SIRPB2: variants seen among roughly 807,000 people sequenced by gnomAD.
SIRPB2 encodes the protein signal regulatory protein beta 2.
Under a neutral mutation model 27.1 loss-of-function variants are expected in SIRPB2, and 18 were observed. The observed-to-expected ratio is 0.66, with a 90% CI of 0.46 to 0.98. The LOEUF is 0.98. Ranked by LOEUF, SIRPB2 falls within the 50% of genes least tolerant of loss-of-function variation. The probability of loss-of-function intolerance (pLI) is 0.00; values close to 1 mark genes in which losing one functional copy is unlikely to be tolerated. For missense variants in SIRPB2, 420 were observed against 417.4 expected, an observed-to-expected ratio of 1.01 and a Z score of -0.06; for synonymous variants, 150 against 164.6, an observed-to-expected ratio of 0.91 and a Z score of 0.68.
intron 1 of SIRPB2, 186 bp from the exon 2 acceptor site, chr20:1,480,251 C>A: frequency 1.4e-6 from 1 of 716,608 alleles, no homozygotes; most frequent in Non-Finnish European, 2.2e-6. Flanking sequence ...CTGAGCTATG[C>A]AATGGCAAAC....
At chr20:1,483,912 G>C (rs1001553538) in intron 1 of SIRPB2, among the ~76,000 whole-genome samples, 2 of 151,922 alleles carry the variant, frequency 1.3e-5, no homozygotes, top group Non-Finnish European at 2.9e-5. Context: ...ATCTTCCTTA[G>C]TATCGATATT....
Position 1,480,086 on chromosome 20 carries a change from C to T in SIRPB2, c.86-21G>A, listed in dbSNP as rs778734223. On this transcript the variant is annotated intron_variant, in intron 1 of 4. Coordinates refer to ENST00000359801, the MANE Select transcript of SIRPB2 (RefSeq NM_001122962.2). ...GGCATCTACAAAAGAGGAAGAAAGA[C>T]CTTGCACTGGGCAGGAAGGACTTGG... 32 of 1,583,928 alleles carry T rather than the reference C, an allele frequency of 2.0e-5. 1 individual carries two copies. In the South Asian group the frequency reaches 3.7e-4, roughly 18 times the overall value.
At chr20:1,476,428 G>A in intron 4 of SIRPB2, 92 bp from the exon 5 acceptor site, 2 of 1,285,132 alleles carry the variant, frequency 1.6e-6, no homozygotes, top group South Asian at 3.0e-5. Context: ...GTCACATCCT[G>A]CTGCTGTATA....
At chr20:1,479,386 C>T in intron 2 of SIRPB2, 1 of 370,816 alleles carries the variant, frequency 2.7e-6, no homozygotes, top group South Asian at 2.9e-5. Context: ...TTGCTTTAGC[C>T]AGTGGGCTGT....
chr20:1,472,080 C>G (rs1194717393), downstream of SIRPB2, among the ~76,000 whole-genome samples: 1 of 152,188 alleles, frequency 6.6e-6, no homozygotes, highest in East Asian at 1.9e-4. Flanking sequence ...ATCAAGGCAT[C>G]AGATCTGAAG....
In SIRPB2 at chr20:1,476,219, G is replaced by A; in HGVS notation, c.977C>T (p.Thr326Ile). 6.2e-7 allele frequency: 1 copy of A among 1,614,116 alleles called. No individual in the cohort carries two copies. The highest frequency in any genetic ancestry group is 8.5e-7 in the Non-Finnish European group (1 of 1,180,000). Residue 326 changes from threonine to isoleucine, a missense_variant, in exon 5 of 5, where the codon ACA (threonine) becomes ATA (isoleucine). By Grantham distance (89) the Thr-to-Ile change is moderately conservative. Transcript: ENST00000359801. ...RSPGQEDVKT[T>I]GPAGAMNTLA... is the part of the protein sequence containing the mutation. Reference sequence around the variant, plus strand: ...GGTGTTCATGGCTCCTGCTGGGCCTGTGGTCTTGACATCTTCTTGCCCAGG... The same window carrying A: ...GGTGTTCATGGCTCCTGCTGGGCCTATGGTCTTGACATCTTCTTGCCCAGG...
At chr20:1,487,773 C>T (rs1356983808) in intron 1 of SIRPB2, among the ~76,000 whole-genome samples, 3 of 152,306 alleles carry the variant, frequency 2.0e-5, no homozygotes, top group South Asian at 2.1e-4. Context: ...GCTAGGAGTA[C>T]AGGTGCATGC....
At chr20:1,473,862 A>G, downstream of SIRPB2, 1 of 456,270 alleles carries the variant, frequency 2.2e-6, no homozygotes, top group South Asian at 1.5e-5. Context: ...GTAACAGATC[A>G]CTGCAAACCT....
chr20:1,473,036 C>T (rs2122996969), downstream of SIRPB2: 1 of 152,574 alleles, frequency 6.6e-6, no homozygotes, highest in South Asian at 2.1e-4. Context: ...TGTCACTTCC[C>T]CTTTGCTCTG....
chr20:1,489,614 G>A (rs953960355), intron 1 of SIRPB2, among the ~76,000 whole-genome samples: 1 of 152,146 alleles, frequency 6.6e-6, no homozygotes, highest in Admixed American at 6.5e-5. Flanking sequence ...AGGTGTCCTA[G>A]GAGGTTTGCC....
At chr20:1,480,703 A>G (rs1277141365) in intron 1 of SIRPB2, among the ~76,000 whole-genome samples, 1 of 152,106 alleles carries the variant, frequency 6.6e-6, no homozygotes, top group Non-Finnish European at 1.5e-5. Flanking sequence ...AGACATCTTG[A>G]TCTCAGTTTC....
chr20:1,482,530 T>C (rs192973547), intron 1 of SIRPB2, among the ~76,000 whole-genome samples: 12 of 149,408 alleles, frequency 8.0e-5, no homozygotes, highest in African/African-American at 3.1e-4. Flanking sequence ...TTCCTTTCTT[T>C]CTTCCTTTCT....
intron 1 of SIRPB2, among the ~76,000 whole-genome samples, chr20:1,480,787 C>T (rs1401979184): frequency 6.6e-6 from 1 of 152,184 alleles, no homozygotes; most frequent in African/African-American, 2.4e-5. Context: ...GTTATGGAAG[C>T]TCTGGCACAC....
chr20:1,481,891 G>A (rs1043602378), intron 1 of SIRPB2, among the ~76,000 whole-genome samples: 13 of 151,990 alleles, frequency 8.6e-5, no homozygotes, highest in African/African-American at 2.2e-4. Context: ...TCACACACAC[G>A]TACAGGACTG....
rs775122984 is a variant in SIRPB2, at chr20:1,478,283, G to T, written c.776C>A (p.Thr259Asn). The T allele has an allele frequency of 6.2e-7, 1 of 1,612,112 alleles. No homozygotes were observed. The highest frequency in any genetic ancestry group is 8.5e-7 in the Non-Finnish European group (1 of 1,178,338). Residue 259 changes from threonine to asparagine, a missense_variant, in exon 3 of 5, where the codon ACC (threonine) becomes AAC (asparagine). Coordinates refer to ENST00000359801, the MANE Select transcript of SIRPB2 (RefSeq NM_001122962.2). ...TGTCTCACCTTTCACTTTCAGGCTG[G>T]TGCCCTGTCCAGACAGGTATTGCCT... The part of the protein sequence containing the change: ...PNRQYLSGQG[T>N]SLKVKAKSTS...
chr20:1,474,182 G>A (rs2090591234), downstream of SIRPB2, among the ~76,000 whole-genome samples: 1 of 152,132 alleles, frequency 6.6e-6, no homozygotes. Flanking sequence ...CCCATCTCAA[G>A]ATTCTTAATT....
intron 1 of SIRPB2, 58 bp downstream of exon 1, chr20:1,491,217 C>T (rs544260926): frequency 2.7e-6 from 4 of 1,456,908 alleles, no homozygotes; most frequent in Non-Finnish European, 3.8e-6. Context: ...GCACTTAGTG[C>T]CCCTCTAGGG....
chr20:1,484,640 A>G (rs1218921751), intron 1 of SIRPB2, among the ~76,000 whole-genome samples: 1 of 152,150 alleles, frequency 6.6e-6, no homozygotes, highest in Non-Finnish European at 1.5e-5. Flanking sequence ...AATCAAAACC[A>G]CAATGAGATA....
At chr20:1,484,706 A>T (rs568007027) in intron 1 of SIRPB2, among the ~76,000 whole-genome samples, 3,008 of 150,098 alleles carry the variant, frequency 0.02, 101 homozygotes, top group African/African-American at 0.072. Flanking sequence ...AAAAAAAAAC[A>T]AAATAAATAA....
Sources: gnomAD v4.1 joint callset for allele counts (sites outside exome capture counted in the v4.1 genomes callset) on GRCh38, gnomAD v4.1.1 for gene constraint, MANE v1.5 for transcripts, NCBI Gene and HGNC (gene_info 2026-07-23, HGNC 2026-07-21) for gene names.